The following NLN variants were observed in gnomAD, a reference collection of about 807,000 sequenced individuals.
NLN encodes the protein neurolysin, mitochondrial.
In NLN, 64 loss-of-function variants were observed where a neutral mutation model predicts 79.9. That is an observed-to-expected ratio of 0.80 (90% confidence interval 0.65 to 0.99). The LOEUF (loss-of-function observed/expected upper bound fraction) is 0.99. Ranked by LOEUF, NLN falls within the 50% of genes least tolerant of loss-of-function variation. The probability of loss-of-function intolerance (pLI) is 0.00; values close to 1 mark genes in which losing one functional copy is unlikely to be tolerated. For missense variants in NLN, 835 were observed against 858.7 expected, an observed-to-expected ratio of 0.97 and a Z score of 0.34; for synonymous variants, 267 against 296.6, an observed-to-expected ratio of 0.90 and a Z score of 1.02.
chr5:65,797,787 C>G (rs900824722), intron 9 of NLN, among the ~76,000 whole-genome samples: 2 of 152,068 alleles, frequency 1.3e-5, no homozygotes, highest in Non-Finnish European at 2.9e-5. Flanking sequence ...TAAAAAAGAC[C>G]ATCTGCCCTG....
intron 8 of NLN, among the ~76,000 whole-genome samples, chr5:65,790,250 G>C (rs1760025474): frequency 6.6e-6 from 1 of 152,138 alleles, no homozygotes; most frequent in South Asian, 2.1e-4. Flanking sequence ...CACTGACTTT[G>C]AGTGCTGAAA....
At chr5:65,755,597 C>A (rs1159425524) in intron 1 of NLN, among the ~76,000 whole-genome samples, 1 of 152,128 alleles carries the variant, frequency 6.6e-6, no homozygotes, top group East Asian at 1.9e-4. Context: ...ATGTTGTATA[C>A]ATTTAATCAG....
At chr5:65,749,392 C>T (rs1010168428) in intron 1 of NLN, among the ~76,000 whole-genome samples, 4 of 152,112 alleles carry the variant, frequency 2.6e-5, no homozygotes, top group South Asian at 2.1e-4. Context: ...GAGAGGTTTA[C>T]CCTGTGTCAA....
intron 1 of NLN, among the ~76,000 whole-genome samples, chr5:65,747,839 A>G (rs530244519): frequency 6.6e-6 from 1 of 152,214 alleles, no homozygotes; most frequent in Non-Finnish European, 1.5e-5. Flanking sequence ...CAAGCTTTGC[A>G]TGAGCACATC....
intron 2 of NLN, among the ~76,000 whole-genome samples, chr5:65,759,590 G>A (rs1464490294): frequency 6.6e-6 from 1 of 152,138 alleles, no homozygotes; most frequent in South Asian, 2.1e-4. Context: ...CAGTCCGAAG[G>A]CCAGTAGCCT....
chr5:65,816,564 C>T (rs1189845513), intron 12 of NLN, among the ~76,000 whole-genome samples: 1 of 151,340 alleles, frequency 6.6e-6, no homozygotes, highest in African/African-American at 2.4e-5. Context: ...CAGAAAAATA[C>T]TTCTTCAGAC....
chr5:65,784,476 A>C (rs1432986164), intron 6 of NLN, among the ~76,000 whole-genome samples: 10 of 152,206 alleles, frequency 6.6e-5, no homozygotes, highest in African/African-American at 2.4e-4. Context: ...AAGGCTGAGA[A>C]ATTCAAGATC....
chr5:65,728,999 A>C (rs553747622), intron 1 of NLN, among the ~76,000 whole-genome samples: 1 of 152,262 alleles, frequency 6.6e-6, no homozygotes, highest in Non-Finnish European at 1.5e-5. Flanking sequence ...GTTTGCCACC[A>C]CACCCGGCTA....
At chr5:65,790,206 C>T (rs1262995488) in intron 8 of NLN, among the ~76,000 whole-genome samples, 2 of 152,034 alleles carry the variant, frequency 1.3e-5, no homozygotes, top group Non-Finnish European at 2.9e-5. Flanking sequence ...GTATAGTATC[C>T]CCCTCATTCA....
At chr5:65,790,578 G>C (rs1433534959) in intron 8 of NLN, among the ~76,000 whole-genome samples, 1 of 152,148 alleles carries the variant, frequency 6.6e-6, no homozygotes, top group East Asian at 1.9e-4. Context: ...ACTATCATGA[G>C]ACTGGCTACC....
Position 65,780,280 on chromosome 5 carries a change from T to C in NLN, c.660T>C (p.Leu220=). ...TCCTTGTATTTTCCAAGGCTGAACT[T>C]GGTAAGTTTTATTATTTTTCTAGAT... The part of the protein sequence containing the change: ...DTFLVFSKAE[L]GALPDDFIDS... The change falls in exon 5 of 13, where the codon CTT becomes CTC. Residue 220 remains leucine, a splice_region_variant and synonymous_variant. Transcript: ENST00000380985. 1 of 1,299,556 alleles carries C rather than the reference T, an allele frequency of 7.7e-7. No homozygotes were observed. The highest frequency in any genetic ancestry group is 1.1e-6 in the Non-Finnish European group (1 of 923,220). 80.5% of individuals were successfully genotyped at this position (1,299,556 alleles called of 1,614,324 possible). A position where few individuals can be genotyped will look rare whatever the true frequency, so the allele number is the denominator to read the frequency against.
At position 65,828,999 on chromosome 5, in the gene NLN, G is replaced by A. The variant is rs1178849596; in HGVS notation, c.*6084G>A. 2 of 152,202 alleles carry A rather than the reference G, an allele frequency of 1.3e-5. No individual in the cohort carries two copies. Among genetic ancestry groups the A allele is most frequent in the East Asian group, 3.8e-4 (2 of 5,200 alleles). 9.4% of individuals were successfully genotyped at this position (152,202 alleles called of 1,614,324 possible). ...GGGAACTGAGGATGGGAGATTAACT[G>A]TTGTATATGACCATAGTAAAGCAAA... On this transcript the variant is annotated 3_prime_UTR_variant, in exon 13 of 13. Coordinates refer to ENST00000380985, the MANE Select transcript of NLN (RefSeq NM_020726.5).
At chr5:65,800,902 A>T (rs1208009631) in intron 9 of NLN, among the ~76,000 whole-genome samples, 1 of 151,914 alleles carries the variant, frequency 6.6e-6, no homozygotes, top group Non-Finnish European at 1.5e-5. Context: ...AATGTTGCCC[A>T]GGCTGATCTT....
rs369436269 is a variant in NLN at position 65,794,609 on chromosome 5, GA to G, written c.1527+1964del. ...GAAAAAGTGAGACCCGGTCTCAAAAGAAAAAAAAAATGCTTTGCAAAAATAT... is the reference window on the plus strand; with the variant it reads ...GAAAAAGTGAGACCCGGTCTCAAAAGAAAAAAAAATGCTTTGCAAAAATAT... On this transcript the variant is annotated intron_variant, in intron 9 of 12. Transcript: ENST00000380985. 4.7e-5 allele frequency among the ~76,000 whole-genome samples: 7 copies of G among 148,066 alleles called. No homozygotes were observed. The East Asian group carries it at 5.9e-4, about 12-fold the overall frequency.
At chr5:65,738,445 G>A (rs1165341285) in intron 1 of NLN, among the ~76,000 whole-genome samples, 1 of 151,598 alleles carries the variant, frequency 6.6e-6, no homozygotes, top group East Asian at 2.0e-4. Context: ...GCCAGATGTA[G>A]TGGCACACTT....
chr5:65,773,127 A>ATTTTTTT (rs757202934), intron 3 of NLN, among the ~76,000 whole-genome samples: 5 of 96,602 alleles, frequency 5.2e-5, no homozygotes, highest in African/African-American at 1.3e-4. Context: ...CCTGAATTCT[A>ATTTTTTT]TTTTTTTTTT....
intron 1 of NLN, 129 bp downstream of exon 1, chr5:65,722,543 C>A: frequency 1.2e-6 from 1 of 858,278 alleles, no homozygotes; most frequent in Non-Finnish European, 1.8e-6. Context: ...ACCCTCCCCG[C>A]GGCTTGCAAG....
In NLN at chr5:65,734,356, G is replaced by A. The variant is rs909009513; in HGVS notation, c.41+11942G>A. On this transcript the variant is annotated intron_variant, in intron 1 of 12. Coordinates refer to ENST00000380985, the MANE Select transcript of NLN (RefSeq NM_020726.5). ...TGTTTCAGGCACGTGCTGACTGTGAGTGGAAAAACAAAGGTGACTCAGCTG... is the reference window on the plus strand; with the variant it reads ...TGTTTCAGGCACGTGCTGACTGTGAATGGAAAAACAAAGGTGACTCAGCTG... Among the ~76,000 whole-genome samples the A allele has an allele frequency of 2.0e-4, 28 of 137,842 alleles. 3 individuals carry two copies. Among genetic ancestry groups the A allele is most frequent in the African/African-American group, 7.5e-4 (27 of 36,028 alleles). 90.4% of individuals were successfully genotyped at this position (137,842 alleles called of 152,430 possible).
intron 1 of NLN, among the ~76,000 whole-genome samples, chr5:65,737,189 C>A (rs773698008): frequency 2.0e-5 from 3 of 152,134 alleles, no homozygotes; most frequent in Non-Finnish European, 2.9e-5. Flanking sequence ...GAGCTAAACT[C>A]TAAGAATACA....
Sources: gnomAD v4.1 joint callset for allele counts (sites outside exome capture counted in the v4.1 genomes callset) on GRCh38, gnomAD v4.1.1 for gene constraint, MANE v1.5 for transcripts, NCBI Gene and HGNC (gene_info 2026-07-23, HGNC 2026-07-21) for gene names.